The following NRP2 variants were observed in gnomAD, a reference collection of about 807,000 sequenced individuals.
The protein encoded by NRP2 is neuropilin-2.
Under a neutral mutation model 110.4 loss-of-function variants are expected in NRP2, and 52 were observed. The observed-to-expected ratio is 0.47, with a 90% CI of 0.38 to 0.59. The LOEUF (loss-of-function observed/expected upper bound fraction) is 0.59, where lower values mean the gene tolerates loss of function less well. Among genes scored for constraint, NRP2 ranks in the 20% least tolerant of loss-of-function variants. The pLI is 0.00. For synonymous variants in NRP2, 508 were observed against 468.9 expected (o/e 1.08, Z -1.08); for missense variants, 1,049 against 1,203.0 (o/e 0.87, Z 1.89).
intron 10 of NRP2, among the ~76,000 whole-genome samples, chr2:205,746,394 C>T (rs753155222): frequency 6.6e-6 from 1 of 152,230 alleles, no homozygotes; most frequent in African/African-American, 2.4e-5. Flanking sequence ...GACTCCTTCT[C>T]ATTGTCCTGC....
chr2:205,765,827 G>A (rs182167480), intron 14 of NRP2: 114 of 586,244 alleles, frequency 1.9e-4, no homozygotes, highest in African/African-American at 1.9e-3. Context: ...TAGAGGTTCA[G>A]GGTGCCAAGA....
intron 7 of NRP2, among the ~76,000 whole-genome samples, chr2:205,730,270 C>G (rs2057211052): frequency 6.6e-6 from 1 of 151,904 alleles, no homozygotes. Flanking sequence ...GTCAGCGCAG[C>G]TCTCTGGGCT....
intron 7 of NRP2, among the ~76,000 whole-genome samples, chr2:205,735,509 A>G (rs2057327215): frequency 6.7e-6 from 1 of 148,326 alleles, no homozygotes; most frequent in Non-Finnish European, 1.5e-5. Flanking sequence ...TATTCTATAT[A>G]ATATATAGAA....
intron 3 of NRP2, among the ~76,000 whole-genome samples, chr2:205,718,942 C>CAAAA (rs10701288): frequency 1.4e-5 from 2 of 143,682 alleles, no homozygotes; most frequent in Non-Finnish European, 3.0e-5. Flanking sequence ...AATTCCATCT[C>CAAAA]AAAAAAAAAA....
chr2:205,689,177 A>G (rs574982543), intron 1 of NRP2, among the ~76,000 whole-genome samples: 19 of 152,342 alleles, frequency 1.2e-4, no homozygotes, highest in Admixed American at 2.6e-4. Flanking sequence ...TAGGTTTGCC[A>G]CTGAGAAGTT....
At chr2:205,757,105 A>T (rs1217516366) in intron 12 of NRP2, among the ~76,000 whole-genome samples, 1 of 152,192 alleles carries the variant, frequency 6.6e-6, no homozygotes, top group African/African-American at 2.4e-5. Flanking sequence ...AAATCTGATT[A>T]CAGTATTACT....
intron 2 of NRP2, among the ~76,000 whole-genome samples, chr2:205,699,349 C>T (rs1273924308): frequency 1.3e-5 from 2 of 152,194 alleles, no homozygotes; most frequent in Admixed American, 6.5e-5. Context: ...CAAATGGAAG[C>T]ATAATGTACA....
intron 2 of NRP2, among the ~76,000 whole-genome samples, chr2:205,706,933 CA>C (rs1468482300): frequency 1.3e-5 from 2 of 152,226 alleles, no homozygotes; most frequent in African/African-American, 4.8e-5. Flanking sequence ...GTGCGCAAAA[CA>C]AACAGCCTGC....
At chr2:205,713,804 T>A (rs2056844004) in intron 2 of NRP2, among the ~76,000 whole-genome samples, 1 of 152,216 alleles carries the variant, frequency 6.6e-6, no homozygotes, top group South Asian at 2.1e-4. Flanking sequence ...CCACTTTTTA[T>A]ATTTTTTCAA....
chr2:205,751,503 A>G (rs186136721), intron 11 of NRP2, among the ~76,000 whole-genome samples: 1 of 152,306 alleles, frequency 6.6e-6, no homozygotes, highest in East Asian at 1.9e-4. Context: ...GACTTTTCCA[A>G]GCCACAGGTT....
intron 3 of NRP2, among the ~76,000 whole-genome samples, chr2:205,718,667 C>T (rs990905548): frequency 6.6e-6 from 1 of 152,166 alleles, no homozygotes; most frequent in Non-Finnish European, 1.5e-5. Flanking sequence ...ATATGCCGGG[C>T]GCAGTGGCTC....
At chr2:205,761,695 T>C (rs1448489996) in intron 12 of NRP2, among the ~76,000 whole-genome samples, 1 of 152,174 alleles carries the variant, frequency 6.6e-6, no homozygotes, top group Non-Finnish European at 1.5e-5. Context: ...TTGCAAGGAC[T>C]TGGGGCAAGC....
At chr2:205,690,634 G>T (rs574672351) in intron 1 of NRP2, among the ~76,000 whole-genome samples, 9 of 145,686 alleles carry the variant, frequency 6.2e-5, no homozygotes, top group Non-Finnish European at 1.1e-4. Context: ...ACACACAATA[G>T]CTGGGTATGG....
chr2:205,767,435 G>T (rs766126985), intron 15 of NRP2: 1 of 517,920 alleles, frequency 1.9e-6, no homozygotes, highest in Non-Finnish European at 3.9e-6. Context: ...CCAGTCAAGG[G>T]AATAAGGAGG....
intron 2 of NRP2, among the ~76,000 whole-genome samples, chr2:205,714,337 C>T (rs775010216): frequency 6.6e-6 from 1 of 152,188 alleles, no homozygotes; most frequent in African/African-American, 2.4e-5. Context: ...GACTCTTGCG[C>T]TCTGGGCCAT....
At chr2:205,765,042 G>A (rs1208748637) in intron 13 of NRP2, among the ~76,000 whole-genome samples, 1 of 152,130 alleles carries the variant, frequency 6.6e-6, no homozygotes, top group Non-Finnish European at 1.5e-5. Context: ...CAAAACCTAT[G>A]TGCTGTATTT....
intron 2 of NRP2, among the ~76,000 whole-genome samples, chr2:205,705,463 A>G (rs1024235922): frequency 4.6e-5 from 7 of 152,244 alleles, no homozygotes; most frequent in Admixed American, 4.6e-4. Context: ...GCAGAAAAGC[A>G]TGACTTTTTT....
At chr2:205,766,752 C>G (rs1264208418) in intron 14 of NRP2, 31 bp from the exon 15 acceptor site, 3 of 1,607,386 alleles carry the variant, frequency 1.9e-6, no homozygotes, top group African/African-American at 2.7e-5. Context: ...TTGCCTTTAA[C>G]TAAGTCCAAT....
intron 9 of NRP2, among the ~76,000 whole-genome samples, chr2:205,744,763 G>A (rs1203076548): frequency 6.6e-6 from 1 of 152,214 alleles, no homozygotes; most frequent in African/African-American, 2.4e-5. Flanking sequence ...GAGGTTTTGC[G>A]ATGCTGAGGT....
Sources: allele counts gnomAD v4.1 joint callset (sites outside exome capture counted in the v4.1 genomes callset), GRCh38; gene constraint gnomAD v4.1.1; transcripts MANE v1.5; gene names NCBI Gene and HGNC (gene_info 2026-07-23, HGNC 2026-07-21).